MAP3K13: variants seen among roughly 807,000 people sequenced by gnomAD.
MAP3K13 encodes the protein mitogen-activated protein kinase kinase kinase 13.
MAP3K13 carries 52 observed loss-of-function variants against 104.0 expected under a neutral mutation model. That is an observed-to-expected ratio of 0.50 (90% CI 0.40 to 0.63). The LOEUF is 0.63. Among genes scored for constraint, MAP3K13 ranks in the 20% least tolerant of loss-of-function variants. MAP3K13 has a pLI of 0.00. For missense variants in MAP3K13, 914 were observed against 1,218.5 expected, an observed-to-expected ratio of 0.75 and a Z score of 3.72; for synonymous variants, 394 against 442.2, an observed-to-expected ratio of 0.89 and a Z score of 1.37.
intron 10 of MAP3K13, 134 bp downstream of exon 10, chr3:185,467,097 T>TA (rs1717486417): frequency 4.4e-6 from 4 of 914,988 alleles, no homozygotes; most frequent in Non-Finnish European, 6.6e-6. Flanking sequence ...GTACTCTAGG[T>TA]AAAACAGAGT....
chr3:185,285,677 AT>A, intron 2 of MAP3K13: 1 of 1,513,000 alleles, frequency 6.6e-7, no homozygotes, highest in Non-Finnish European at 8.9e-7. Flanking sequence ...GTTTGGTGAG[AT>A]GGTAGACCAA....
intron 2 of MAP3K13, among the ~76,000 whole-genome samples, chr3:185,352,105 C>A (rs1229251619): frequency 6.6e-6 from 1 of 152,114 alleles, no homozygotes; most frequent in Non-Finnish European, 1.5e-5. Context: ...CAGGAAAGTA[C>A]AGAACTATTT....
At chr3:185,343,248 T>TAATCACACAAGGGAATCACACAAG (rs2108722793) in intron 2 of MAP3K13, among the ~76,000 whole-genome samples, 1 of 152,190 alleles carries the variant, frequency 6.6e-6, no homozygotes, top group African/African-American at 2.4e-5. Context: ...CACACAAGGG[T>TAATCACACAAGGGAATCACACAAG]GTGAACACGA....
At chr3:185,432,957 C>T (rs1453565623) in intron 2 of MAP3K13, among the ~76,000 whole-genome samples, 1 of 152,160 alleles carries the variant, frequency 6.6e-6, no homozygotes, top group African/African-American at 2.4e-5. Flanking sequence ...ATTTCCTTGT[C>T]AGGTCTGGGA....
intron 1 of MAP3K13, among the ~76,000 whole-genome samples, chr3:185,415,171 G>A (rs956526555): frequency 4.0e-5 from 6 of 151,564 alleles, no homozygotes; most frequent in Non-Finnish European, 8.8e-5. Flanking sequence ...ATTTTTTTGT[G>A]AGACAGGGTC....
At chr3:185,397,552 TATAG>T (rs1299592989) in intron 1 of MAP3K13, among the ~76,000 whole-genome samples, 1 of 152,264 alleles carries the variant, frequency 6.6e-6, no homozygotes, top group Non-Finnish European at 1.5e-5. Flanking sequence ...TATGTTGCTC[TATAG>T]ATAAACTTAT....
intron 11 of MAP3K13, chr3:185,477,012 C>A: frequency 2.1e-6 from 1 of 483,240 alleles, no homozygotes; most frequent in Non-Finnish European, 4.0e-6. Context: ...AATCCAAGAC[C>A]TCCTCTCCAA....
In MAP3K13 at chr3:185,466,917, A is replaced by C; in HGVS notation, c.1597A>C (p.Met533Leu). The part of the protein sequence containing the change: ...IIHPNAMEKL[M>L]KRKGVPHKSG... ...CCATCCCAATGCCATGGAGAAACTC[A>C]TGAAAAGGAAAGGAGTGCCTCACAA... The change falls in exon 10 of 14, where the codon ATG becomes CTG. Residue 533 changes from methionine (M) to leucine (L), a missense_variant. This residue lies in a region of MAP3K13 where 583 missense variants were observed against 737.4 expected (regional missense o/e 0.79). Coordinates refer to ENST00000265026, the MANE Select transcript of MAP3K13 (RefSeq NM_004721.5). 1.9e-6 allele frequency: 3 copies of C among 1,613,996 alleles called. No homozygotes were observed. In the African/African-American group the frequency reaches 4.0e-5, roughly 22 times the overall value.
chr3:185,445,772 A>G (rs1715556852), intron 4 of MAP3K13, among the ~76,000 whole-genome samples: 1 of 152,160 alleles, frequency 6.6e-6, no homozygotes, highest in Admixed American at 6.5e-5. Flanking sequence ...TGTGACCACA[A>G]CTTTGTCTCA....
At chr3:185,377,299 G>T (rs1174162980) in intron 1 of MAP3K13, among the ~76,000 whole-genome samples, 1 of 152,194 alleles carries the variant, frequency 6.6e-6, no homozygotes, top group Non-Finnish European at 1.5e-5. Context: ...TTGGCATTGA[G>T]CAGGGTAAGG....
intron 1 of MAP3K13, among the ~76,000 whole-genome samples, chr3:185,428,233 T>C (rs1714540989): frequency 6.6e-6 from 1 of 152,234 alleles, no homozygotes; most frequent in African/African-American, 2.4e-5. Flanking sequence ...CTTGTATGTA[T>C]GTCCTTTTAA....
intron 2 of MAP3K13, among the ~76,000 whole-genome samples, chr3:185,344,812 C>T (rs1025007565): frequency 1.5e-4 from 23 of 152,268 alleles, no homozygotes; most frequent in African/African-American, 4.8e-4. Context: ...CTTTTCCTTT[C>T]ACCAGGTGAT....
At chr3:185,380,526 A>T (rs1724665576) in intron 1 of MAP3K13, among the ~76,000 whole-genome samples, 1 of 149,788 alleles carries the variant, frequency 6.7e-6, no homozygotes, top group Non-Finnish European at 1.5e-5. Flanking sequence ...AAAAAAAAAA[A>T]AAGTGCTCAT....
chr3:185,326,608 A>G (rs1427648675), intron 2 of MAP3K13, among the ~76,000 whole-genome samples: 1 of 152,196 alleles, frequency 6.6e-6, no homozygotes, highest in Non-Finnish European at 1.5e-5. Context: ...GAGTCAGCTG[A>G]GACCCAGAGA....
At chr3:185,379,983 C>G (rs1409191480) in intron 1 of MAP3K13, among the ~76,000 whole-genome samples, 2 of 151,916 alleles carry the variant, frequency 1.3e-5, no homozygotes, top group African/African-American at 4.8e-5. Context: ...GTCAGGTGTT[C>G]AATACCAGCC....
chr3:185,306,018 G>A (rs1721277915), intron 2 of MAP3K13, among the ~76,000 whole-genome samples: 1 of 152,166 alleles, frequency 6.6e-6, no homozygotes, highest in Non-Finnish European at 1.5e-5. Context: ...ACTTGTAAGT[G>A]AGAACATGTA....
intron 2 of MAP3K13, among the ~76,000 whole-genome samples, chr3:185,298,160 G>A (rs945555740): frequency 9.2e-5 from 14 of 152,198 alleles, no homozygotes; most frequent in African/African-American, 2.9e-4. Context: ...TGCAAAATGT[G>A]CTAGTTCTTA....
chr3:185,309,002 T>A (rs1370691833), intron 2 of MAP3K13, among the ~76,000 whole-genome samples: 1 of 152,134 alleles, frequency 6.6e-6, no homozygotes, highest in Non-Finnish European at 1.5e-5. Flanking sequence ...GGTCTGGGGA[T>A]TCCTATTCCA....
chr3:185,457,551 T>C (rs1316042441), intron 7 of MAP3K13, among the ~76,000 whole-genome samples: 1 of 152,184 alleles, frequency 6.6e-6, no homozygotes, highest in Non-Finnish European at 1.5e-5. Context: ...TTCTCATTCA[T>C]GAGGGCTCTG....
Sources: gnomAD v4.1 joint callset for allele counts (sites outside exome capture counted in the v4.1 genomes callset) on GRCh38, gnomAD v4.1.1 for gene constraint, gnomAD v4.1.1 regional missense constraint, MANE v1.5 for transcripts, NCBI Gene and HGNC (gene_info 2026-07-23, HGNC 2026-07-21) for gene names.